Variants in PAX5 observed in about 807,000 individuals in gnomAD.
PAX5 encodes paired box protein Pax-5.
Under a neutral mutation model 43.7 loss-of-function variants are expected in PAX5, and 9 were observed. That is an observed-to-expected ratio of 0.21 (90% confidence interval 0.12 to 0.36). The LOEUF (loss-of-function observed/expected upper bound fraction) is 0.36. PAX5 is among the 10% of genes least tolerant of loss of function. The pLI, the probability that PAX5 is intolerant of heterozygous loss-of-function variation, is 1.00. For missense variants in PAX5, 383 were observed against 532.7 expected, an observed-to-expected ratio of 0.72 and a Z score of 2.77; for synonymous variants, 228 against 214.3, an observed-to-expected ratio of 1.06 and a Z score of -0.56.
At chr9:36,843,427 T>C (rs1349086460) in intron 9 of PAX5, among the ~76,000 whole-genome samples, 4 of 152,204 alleles carry the variant, frequency 2.6e-5, no homozygotes, top group African/African-American at 9.7e-5. Context: ...CTGCTTCCTC[T>C]GCCCTGCACA....
In PAX5 at chr9:36,988,217, T is replaced by G. The variant is rs866278907; in HGVS notation, c.604+14431A>C. ...TCTCCAGTGTCGTGTCAGGCTCACC[T>G]TACTTCTGACAGCTGCCCTCAGCTA... On this transcript the variant is annotated intron_variant, in intron 5 of 9. Transcript: ENST00000358127. Among the ~76,000 whole-genome samples the G allele has an allele frequency of 2.0e-5, 3 of 152,186 alleles. No individual in the cohort carries two copies. In the South Asian group the frequency reaches 6.2e-4, roughly 32 times the overall value.
At chr9:36,988,959 G>A (rs570453991) in intron 5 of PAX5, among the ~76,000 whole-genome samples, 6 of 152,296 alleles carry the variant, frequency 3.9e-5, no homozygotes, top group African/African-American at 1.4e-4. Flanking sequence ...TGCTGTCAAA[G>A]CTCACACTGC....
At chr9:37,017,586 T>C (rs1022631996) in intron 2 of PAX5, among the ~76,000 whole-genome samples, 2 of 152,200 alleles carry the variant, frequency 1.3e-5, no homozygotes, top group Non-Finnish European at 2.9e-5. Context: ...TTACAGACAT[T>C]TAGACAACCC....
intron 1 of PAX5, among the ~76,000 whole-genome samples, chr9:37,027,877 G>C (rs2132547993): frequency 6.6e-6 from 1 of 152,388 alleles, no homozygotes; most frequent in South Asian, 2.1e-4. Flanking sequence ...TGGGCAATGG[G>C]AGAGAATGGG....
At position 36,846,849 on chromosome 9, in the gene PAX5, G is replaced by A. The variant is rs765671554; in HGVS notation, c.1093C>T (p.Leu365=). The A allele has an allele frequency of 6.8e-6, 11 of 1,613,286 alleles. No individual in the cohort carries two copies. Among genetic ancestry groups the A allele is most frequent in the Non-Finnish European group, 7.6e-6 (9 of 1,179,372 alleles). ...NDSWRFPNPG[L]LGSPYYYSAA... is the part of the protein sequence containing the mutation. Reference sequence around the variant, plus strand: ...GGCCTCCGCCAGTACTCACCAAGCAGCCCCGGGTTGGGGAACCTCCAGGAG... The same window carrying A: ...GGCCTCCGCCAGTACTCACCAAGCAACCCCGGGTTGGGGAACCTCCAGGAG... Residue 365 remains leucine (L), a synonymous_variant, in exon 9 of 10, where the codon CTG becomes TTG. Coordinates refer to ENST00000358127, the MANE Select transcript of PAX5 (RefSeq NM_016734.3).
chr9:37,019,956 G>A (rs1028174456), intron 2 of PAX5, among the ~76,000 whole-genome samples: 12 of 152,148 alleles, frequency 7.9e-5, no homozygotes, highest in Admixed American at 6.5e-4. Context: ...TGGATCATGC[G>A]GAGGCTACTG....
chr9:37,010,750 A>G (rs1433137032), intron 3 of PAX5, among the ~76,000 whole-genome samples: 2 of 152,212 alleles, frequency 1.3e-5, no homozygotes, highest in Admixed American at 6.5e-5. Context: ...CCATCAGTGC[A>G]GTAAGAAGCT....
intron 6 of PAX5, among the ~76,000 whole-genome samples, chr9:36,935,079 G>C (rs960215536): frequency 6.6e-6 from 1 of 152,182 alleles, no homozygotes; most frequent in South Asian, 2.1e-4. Flanking sequence ...CTCATGGCCT[G>C]GGTCAAAATG....
chr9:37,004,301 G>C (rs1205113382), intron 4 of PAX5, among the ~76,000 whole-genome samples: 3 of 152,236 alleles, frequency 2.0e-5, no homozygotes, highest in Non-Finnish European at 4.4e-5. Flanking sequence ...ATCAGCAGGG[G>C]CCTCTCCAGC....
rs527890858 is a variant in PAX5 at position 36,893,731 on chromosome 9, G to A, written c.911-11626C>T. 1.2e-4 allele frequency among the ~76,000 whole-genome samples: 18 copies of A among 152,338 alleles called. No individual in the cohort carries two copies. In the South Asian group the frequency reaches 2.1e-3, roughly 18 times the overall value. On this transcript the variant is annotated intron_variant, in intron 7 of 9. Transcript: ENST00000358127. ...TAATCAGACATAAGAAGCCCAAGCCGCGATAGTCTGGGGTACTTGGTGGAA... is the reference window on the plus strand; with the variant it reads ...TAATCAGACATAAGAAGCCCAAGCCACGATAGTCTGGGGTACTTGGTGGAA...
chr9:36,870,325 T>C (rs1452851438), intron 8 of PAX5, among the ~76,000 whole-genome samples: 1 of 152,216 alleles, frequency 6.6e-6, no homozygotes, highest in African/African-American at 2.4e-5. Context: ...AAATGCCCTA[T>C]AATAATGATA....
intron 8 of PAX5, among the ~76,000 whole-genome samples, chr9:36,855,506 C>T (rs983388350): frequency 1.5e-5 from 1 of 66,742 alleles, no homozygotes; most frequent in African/African-American, 4.3e-5. Flanking sequence ...GTACAAATGA[C>T]CCCCCTGAAG....
In PAX5 at chr9:36,950,731, T is replaced by C. The variant is rs1832923838; in HGVS notation, c.780+15818A>G. ...ATCACATTCTTGCATATCCACTGAG[T>C]TTTCTTTTTTTTTTTTTTTTTTTTT... On this transcript the variant is annotated intron_variant, in intron 6 of 9. Coordinates refer to ENST00000358127, the MANE Select transcript of PAX5 (RefSeq NM_016734.3). Among the ~76,000 whole-genome samples the C allele has an allele frequency of 3.8e-5, 4 of 104,770 alleles. No individual in the cohort carries two copies. The Admixed American group carries it at 4.7e-4, about 12-fold the overall frequency. The allele number at this position is 104,770 out of a possible 152,430, so 68.7% of individuals were successfully genotyped here.
rs553115485 is a variant in PAX5, at chr9:36,867,067, G to T, written c.1012+14937C>A. On this transcript the variant is annotated intron_variant, in intron 8 of 9. Transcript: ENST00000358127. ...ATGTCCTGGATGGGGTGGTGGGGGG[G>T]GGGCCTTGGTTGGTCTCCTGCTTCC... 5.5e-4 allele frequency among the ~76,000 whole-genome samples: 72 copies of T among 129,884 alleles called. 1 individual carries two copies. The highest frequency in any genetic ancestry group is 1.8e-3 in the African/African-American group (63 of 34,260). The allele number at this position is 129,884 out of a possible 152,430, so 85.2% of individuals were successfully genotyped here. A position where few individuals can be genotyped will look rare whatever the true frequency, so the allele number is the denominator to read the frequency against.
At position 36,869,852 on chromosome 9, in the gene PAX5, A is replaced by ATGGG. The variant is rs1169936849; in HGVS notation, c.1012+12151_1012+12152insCCCA. On this transcript the variant is annotated intron_variant, in intron 8 of 9. Coordinates refer to ENST00000358127, the MANE Select transcript of PAX5 (RefSeq NM_016734.3). The stretch of plus-strand genomic sequence containing the variant: ...AATAGATGGATGGATGGATAAATGG[A>ATGGG]TGGATGGATGGATGGATGGATAAAT... Among the ~76,000 whole-genome samples, 11 of 149,674 alleles carry ATGGG rather than the reference A, an allele frequency of 7.3e-5. No homozygotes were observed. The East Asian group carries it at 1.8e-3, about 24-fold the overall frequency.
Position 37,007,189 on chromosome 9 carries a change from G to C in PAX5, c.411-652C>G, listed in dbSNP as rs561740516. Among the ~76,000 whole-genome samples the C allele has an allele frequency of 9.2e-5, 14 of 152,266 alleles. No homozygotes were observed. In the South Asian group the frequency reaches 2.9e-3, roughly 32 times the overall value. The stretch of plus-strand genomic sequence containing the variant: ...CTCACAGAAAGGATCCACAGGGCTG[G>C]AGCCAGTGATATCCTGGCCTGTCTT... On this transcript the variant is annotated intron_variant, in intron 3 of 9. Transcript: ENST00000358127.
chr9:36,864,086 G>A (rs556017112), intron 8 of PAX5, among the ~76,000 whole-genome samples: 4 of 152,218 alleles, frequency 2.6e-5, no homozygotes, highest in Non-Finnish European at 5.9e-5. Context: ...TCCAGCCTGG[G>A]CATCAGAGCG....
intron 9 of PAX5, among the ~76,000 whole-genome samples, chr9:36,846,194 T>C (rs1054182670): frequency 1.3e-5 from 2 of 152,232 alleles, no homozygotes; most frequent in Non-Finnish European, 1.5e-5. Context: ...TAGACTTGCA[T>C]GGTCTTTGCG....
chr9:37,033,599 TACACACACAC>T (rs56039556), intron 1 of PAX5, among the ~76,000 whole-genome samples: 10 of 149,168 alleles, frequency 6.7e-5, no homozygotes, highest in Non-Finnish European at 1.0e-4. Flanking sequence ...AGTATAAAGA[TACACACACAC>T]ACACACACAC....
Sources: gnomAD v4.1 joint callset for allele counts (sites outside exome capture counted in the v4.1 genomes callset) on GRCh38, gnomAD v4.1.1 for gene constraint, MANE v1.5 for transcripts, NCBI Gene and HGNC (gene_info 2026-07-23, HGNC 2026-07-21) for gene names.